The following DISC1 variants were observed in gnomAD, a reference collection of about 807,000 sequenced individuals.
DISC1 encodes the protein DISC1 scaffold protein, also known as disrupted in schizophrenia 1 protein.
Under a neutral mutation model 84.5 loss-of-function variants are expected in DISC1, and 57 were observed. The observed-to-expected ratio is 0.67, with a 90% CI of 0.55 to 0.84. DISC1 has a LOEUF of 0.84. Among genes scored for constraint, DISC1 ranks in the 40% least tolerant of loss-of-function variants. DISC1 has a pLI of 0.00. For synonymous variants in DISC1, 411 were observed against 415.2 expected (o/e 0.99, Z 0.12); for missense variants, 1,000 against 1,057.8 (o/e 0.95, Z 0.76).
chr1:231,767,340 T>C, intron 5 of DISC1, 71 bp downstream of exon 5: 1 of 1,583,602 alleles, frequency 6.3e-7, no homozygotes, highest in Non-Finnish European at 8.6e-7. Context: ...TCTTGCTCTG[T>C]TGCCTAGGTT....
At chr1:231,747,953 C>A (rs1490987501) in intron 3 of DISC1, among the ~76,000 whole-genome samples, 1 of 151,978 alleles carries the variant, frequency 6.6e-6, no homozygotes, top group Non-Finnish European at 1.5e-5. Flanking sequence ...CTTTCACTTT[C>A]TTGGTTAAAT....
At chr1:231,876,401 C>G (rs1428285178) in intron 9 of DISC1, among the ~76,000 whole-genome samples, 3 of 152,180 alleles carry the variant, frequency 2.0e-5, no homozygotes, top group African/African-American at 4.8e-5. Flanking sequence ...GACTGTAAAG[C>G]CTGCAGAACA....
chr1:231,886,784 T>C (rs1406985994), intron 9 of DISC1, among the ~76,000 whole-genome samples: 1 of 135,550 alleles, frequency 7.4e-6, no homozygotes, highest in African/African-American at 2.7e-5. Flanking sequence ...TCTTTCTTTC[T>C]TTCTTTCTTT....
At chr1:232,019,786 T>C (rs200583359) in intron 11 of DISC1, among the ~76,000 whole-genome samples, 58 of 152,304 alleles carry the variant, frequency 3.8e-4, no homozygotes, top group Admixed American at 8.5e-4. Flanking sequence ...TTTTCTCTGC[T>C]TCCAGCCTGA....
rs537362898 is a variant in DISC1 at position 231,954,537 on chromosome 1, G to A, written c.1982-4291G>A. ...TTCCTGCTTCTTCCTGATCAGGAAGGGGGTCTGCAGTCCTCTGGTCTTGTT... is the reference window on the plus strand; with the variant it reads ...TTCCTGCTTCTTCCTGATCAGGAAGAGGGTCTGCAGTCCTCTGGTCTTGTT... On this transcript the variant is annotated intron_variant, in intron 9 of 12. Coordinates refer to ENST00000439617, the MANE Select transcript of DISC1 (RefSeq NM_018662.3). The surrounding 1 kb of genome is among the most constrained non-coding windows in gnomAD (Gnocchi z 4.8). Among the ~76,000 whole-genome samples, 1 of 152,244 alleles carries A rather than the reference G, an allele frequency of 6.6e-6. No individual in the cohort carries two copies. Among genetic ancestry groups the A allele is most frequent in the South Asian group, 2.1e-4 (1 of 4,818 alleles).
intron 10 of DISC1, among the ~76,000 whole-genome samples, chr1:231,987,453 A>G (rs1185485385): frequency 6.6e-6 from 1 of 152,272 alleles, no homozygotes; most frequent in Non-Finnish European, 1.5e-5. Flanking sequence ...TTTGCCTGTA[A>G]AGGCCTAATC....
intron 9 of DISC1, among the ~76,000 whole-genome samples, chr1:231,847,219 C>T (rs1010915198): frequency 6.6e-6 from 1 of 152,066 alleles, no homozygotes; most frequent in Non-Finnish European, 1.5e-5. Flanking sequence ...CTCACATGGC[C>T]TTCCCTTTGT....
chr1:231,818,302 C>T (rs772244341), intron 8 of DISC1, 27 bp from the exon 9 acceptor site: 3 of 1,611,864 alleles, frequency 1.9e-6, no homozygotes, highest in South Asian at 1.1e-5. Context: ...CTTGTTTTCC[C>T]TTCTTCTCTC....
chr1:231,837,368 T>A (rs2125846080), intron 9 of DISC1, among the ~76,000 whole-genome samples: 1 of 152,314 alleles, frequency 6.6e-6, no homozygotes, highest in East Asian at 1.9e-4. Flanking sequence ...TATCCCAAAG[T>A]GTAGCTGTTT....
intron 6 of DISC1, among the ~76,000 whole-genome samples, chr1:231,792,821 G>C (rs1179614566): frequency 6.6e-6 from 1 of 152,218 alleles, no homozygotes; most frequent in African/African-American, 2.4e-5. Context: ...GCCAGCCAGA[G>C]TCTAGCATTC....
At chr1:231,750,301 A>T in intron 4 of DISC1, 1 of 1,355,446 alleles carries the variant, frequency 7.4e-7, no homozygotes, top group Admixed American at 3.4e-5. Context: ...TGACAGAGAG[A>T]GAACCTTCTC....
chr1:231,926,722 G>T (rs1253590015), intron 9 of DISC1, among the ~76,000 whole-genome samples: 4 of 152,196 alleles, frequency 2.6e-5, no homozygotes, highest in African/African-American at 9.6e-5. Flanking sequence ...CAAGCTCAGG[G>T]AACAAAAGAG....
chr1:231,866,287 T>C (rs145183606), intron 9 of DISC1, among the ~76,000 whole-genome samples: 45 of 152,284 alleles, frequency 3.0e-4, no homozygotes, highest in Non-Finnish European at 5.3e-4. Context: ...GCTCTGCCAT[T>C]GACTAATTAG....
At chr1:231,781,007 T>A in intron 6 of DISC1, among the ~76,000 whole-genome samples, 1 of 86,722 alleles carries the variant, frequency 1.2e-5, no homozygotes. Context: ...CTGGGGACTG[T>A]TGTGGGGTGG....
intron 6 of DISC1, among the ~76,000 whole-genome samples, chr1:231,791,848 G>A (rs12403256): frequency 0.033 from 5,050 of 152,240 alleles, 139 homozygotes; most frequent in Admixed American, 0.065. Flanking sequence ...TTACGGTTTG[G>A]GGACCACAGT....
At chr1:231,981,375 T>C (rs1663584339) in intron 10 of DISC1, among the ~76,000 whole-genome samples, 1 of 152,198 alleles carries the variant, frequency 6.6e-6, no homozygotes, top group South Asian at 2.1e-4. Context: ...TGAGGGAAAC[T>C]GTGACTTTGG....
At chr1:231,927,603 A>G (rs2090425512) in intron 9 of DISC1, among the ~76,000 whole-genome samples, 1 of 152,110 alleles carries the variant, frequency 6.6e-6, no homozygotes, top group African/African-American at 2.4e-5. Context: ...GTTGCCCTTC[A>G]TTGTGTTCTA....
In DISC1 at chr1:232,036,821, C is replaced by G; in HGVS notation, c.2555C>G (p.Ala852Gly). Residue 852 changes from alanine (A) to glycine (G), a missense_variant, in exon 13 of 13, where the codon GCA becomes GGA. By Grantham distance (60) the Ala-to-Gly change is moderately conservative (BLOSUM62 0). Coordinates refer to ENST00000439617, the MANE Select transcript of DISC1 (RefSeq NM_018662.3). ...TGCATGACAGCTGGTGTCCACGAAG[C>G]ACAAGCCTGAGGAGTGACGGGATGG... The part of the protein sequence containing the change: ...ASCMTAGVHE[A>G]QA 6.3e-7 allele frequency: 1 copy of G among 1,583,476 alleles called. No homozygotes were observed. Among genetic ancestry groups the G allele is most frequent in the Non-Finnish European group, 8.6e-7 (1 of 1,160,342 alleles).
intron 10 of DISC1, among the ~76,000 whole-genome samples, chr1:231,983,886 G>A (rs1664020717): frequency 6.6e-6 from 1 of 152,158 alleles, no homozygotes; most frequent in African/African-American, 2.4e-5. Flanking sequence ...TCATTTAGAT[G>A]CTGGTTGTGG....
Sources: allele counts gnomAD v4.1 joint callset (sites outside exome capture counted in the v4.1 genomes callset), GRCh38; gene constraint gnomAD v4.1.1; non-coding constraint Gnocchi (gnomAD v3.1); transcripts MANE v1.5; gene names NCBI Gene and HGNC (gene_info 2026-07-23, HGNC 2026-07-21).